The following REDIC1 variants were observed in gnomAD, a reference collection of about 807,000 sequenced individuals.
The protein encoded by REDIC1 is HEI10 Interacting Protein 1.
the REDIC1 span, among the ~76,000 whole-genome samples, chr12:39,825,302 C>T: frequency 6.6e-6 from 1 of 152,110 alleles, no homozygotes; most frequent in Admixed American, 6.5e-5. Flanking sequence ...GATAAATAGA[C>T]ACAGATAAAT....
the REDIC1 span, among the ~76,000 whole-genome samples, chr12:39,829,155 A>G: frequency 6.6e-6 from 1 of 152,028 alleles, no homozygotes; most frequent in Non-Finnish European, 1.5e-5. Flanking sequence ...TACACATTTT[A>G]TATGTCTGGA....
At chr12:39,761,615 A>G in the REDIC1 span, among the ~76,000 whole-genome samples, 1 of 57,296 alleles carries the variant, frequency 1.7e-5, no homozygotes, top group Non-Finnish European at 3.3e-5. Context: ...GCTCTTGGAG[A>G]ATGGGGGAAT....
At chr12:39,863,539 G>T in the REDIC1 span, among the ~76,000 whole-genome samples, 11 of 152,078 alleles carry the variant, frequency 7.2e-5, no homozygotes, top group African/African-American at 2.7e-4. Flanking sequence ...CAAAGTAACT[G>T]TGTTAAAAAC....
At chr12:39,663,227 T>C in the REDIC1 span, among the ~76,000 whole-genome samples, 2 of 151,988 alleles carry the variant, frequency 1.3e-5, no homozygotes, top group Non-Finnish European at 2.9e-5. Context: ...CCAACTCTTA[T>C]TGTATTGGTG....
At chr12:39,632,981 A>T in the REDIC1 span, among the ~76,000 whole-genome samples, 1 of 152,324 alleles carries the variant, frequency 6.6e-6, no homozygotes, top group Admixed American at 6.5e-5. Context: ...CTATACACTT[A>T]GGCTACACTA....
chr12:39,704,258 A>G, the REDIC1 span, among the ~76,000 whole-genome samples: 3 of 152,324 alleles, frequency 2.0e-5, no homozygotes, highest in East Asian at 5.8e-4. Flanking sequence ...AAAAGTGGGC[A>G]AAGGATATGA....
the REDIC1 span, among the ~76,000 whole-genome samples, chr12:39,829,104 T>A: frequency 6.6e-6 from 1 of 152,102 alleles, no homozygotes; most frequent in African/African-American, 2.4e-5. Context: ...TTTATAGGAA[T>A]TTAAAACACA....
At chr12:39,822,297 C>T in the REDIC1 span, among the ~76,000 whole-genome samples, 1 of 152,140 alleles carries the variant, frequency 6.6e-6, no homozygotes, top group East Asian at 1.9e-4. Flanking sequence ...ATTTAACTCA[C>T]TATGTGACAC....
the REDIC1 span, among the ~76,000 whole-genome samples, chr12:39,814,229 C>T: frequency 6.6e-6 from 1 of 152,106 alleles, no homozygotes; most frequent in Admixed American, 6.6e-5. Flanking sequence ...CATTGCTTTA[C>T]CTCCCCAGGA....
the REDIC1 span, among the ~76,000 whole-genome samples, chr12:39,835,951 G>C: frequency 2.6e-5 from 4 of 152,230 alleles, no homozygotes; most frequent in South Asian, 8.3e-4. Flanking sequence ...TTGCCACGTG[G>C]TGAAAGCCAC....
At chr12:39,659,358 C>A in the REDIC1 span, among the ~76,000 whole-genome samples, 2 of 151,878 alleles carry the variant, frequency 1.3e-5, no homozygotes, top group Non-Finnish European at 2.9e-5. Context: ...AATTTTTATC[C>A]ATTATTTCTT....
the REDIC1 span, among the ~76,000 whole-genome samples, chr12:39,872,270 G>A: frequency 6.6e-6 from 1 of 152,166 alleles, no homozygotes. Flanking sequence ...CACTAAAACT[G>A]TATCACTTTA....
chr12:39,835,386 C>T, the REDIC1 span, among the ~76,000 whole-genome samples: 1 of 152,072 alleles, frequency 6.6e-6, no homozygotes, highest in Non-Finnish European at 1.5e-5. Context: ...CAAACATTTA[C>T]TCTTACATAC....
the REDIC1 span, among the ~76,000 whole-genome samples, chr12:39,646,137 GA>G: frequency 6.6e-6 from 1 of 151,840 alleles, no homozygotes; most frequent in East Asian, 1.9e-4. Context: ...GAATATATAA[GA>G]TGATGAATAT....
chr12:39,629,558 C>T, the REDIC1 span, among the ~76,000 whole-genome samples: 1 of 152,144 alleles, frequency 6.6e-6, no homozygotes, highest in African/African-American at 2.4e-5. Flanking sequence ...CCCTTTGCTG[C>T]TCTTCAATTT....
At chr12:39,864,726 GT>G in the REDIC1 span, 2 of 1,606,962 alleles carry the variant, frequency 1.2e-6, no homozygotes, top group African/African-American at 2.7e-5. Flanking sequence ...AGTTACCAGA[GT>G]CATGTAAAGG....
chr12:39,775,988 T>C, the REDIC1 span, among the ~76,000 whole-genome samples: 1 of 152,212 alleles, frequency 6.6e-6, no homozygotes, highest in South Asian at 2.1e-4. Flanking sequence ...TTTTGGATTT[T>C]AGATTTTTGG....
chr12:39,734,861 C>G, the REDIC1 span, among the ~76,000 whole-genome samples: 1 of 152,140 alleles, frequency 6.6e-6, no homozygotes, highest in African/African-American at 2.4e-5. Flanking sequence ...TTGTCAATTT[C>G]TACTAAAAAA....
chr12:39,713,895 A>G, the REDIC1 span, among the ~76,000 whole-genome samples: 1 of 148,550 alleles, frequency 6.7e-6, no homozygotes, highest in Non-Finnish European at 1.5e-5. Flanking sequence ...ATACACTTAT[A>G]CGTATATACG....
Sources: allele counts gnomAD v4.1 joint callset (sites outside exome capture counted in the v4.1 genomes callset), GRCh38; gene constraint gnomAD v4.1.1; transcripts MANE v1.5; gene names NCBI Gene and HGNC (gene_info 2026-07-23, HGNC 2026-07-21).